The following OTOP3 variants were observed in gnomAD, a reference collection of about 807,000 sequenced individuals.
OTOP3 encodes the protein proton channel OTOP3.
OTOP3 carries 41 observed loss-of-function variants against 50.8 expected under a neutral mutation model. The observed-to-expected ratio is 0.81, with a 90% CI of 0.63 to 1.05. The LOEUF (loss-of-function observed/expected upper bound fraction) is 1.05. Among genes scored for constraint, OTOP3 ranks in the 50% least tolerant of loss-of-function variants. OTOP3 has a pLI of 0.00. For missense variants in OTOP3, 788 were observed against 760.8 expected (o/e 1.04, Z -0.42); for synonymous variants, 320 against 324.4 (o/e 0.99, Z 0.14).
intron 1 of OTOP3, among the ~76,000 whole-genome samples, chr17:74,936,173 G>A (rs557058411): frequency 6.6e-6 from 1 of 152,278 alleles, no homozygotes; most frequent in East Asian, 1.9e-4. Flanking sequence ...GGAGCACAGA[G>A]GGCCTCAGGG....
intron 5 of OTOP3, among the ~76,000 whole-genome samples, chr17:74,946,410 G>A (rs538499081): frequency 1.3e-5 from 2 of 152,368 alleles, no homozygotes; most frequent in African/African-American, 4.8e-5. Flanking sequence ...ACTGCGCCTG[G>A]CTGGCATCAT....
Position 74,941,897 on chromosome 17 carries a change from C to A in OTOP3, c.437-4C>A. ...TGCCAACGCCCGCCCACATGTCCGGCCAGGTTCCCTAGTGCTCTTCGGCAG... is the reference window on the plus strand; with the variant it reads ...TGCCAACGCCCGCCCACATGTCCGGACAGGTTCCCTAGTGCTCTTCGGCAG... On this transcript the variant is annotated splice_region_variant and splice_polypyrimidine_tract_variant and intron_variant, in intron 2 of 6. Coordinates refer to ENST00000328801, the MANE Select transcript of OTOP3 (RefSeq NM_001272005.2). 6.2e-7 allele frequency: 1 copy of A among 1,601,698 alleles called. No individual in the cohort carries two copies. Among genetic ancestry groups the A allele is most frequent in the Admixed American group, 1.7e-5 (1 of 59,452 alleles).
Position 74,942,043 on chromosome 17 carries a change from A to C in OTOP3, c.573+6A>C. On this transcript the variant is annotated splice_donor_region_variant and intron_variant, in intron 3 of 6. Coordinates refer to ENST00000328801, the MANE Select transcript of OTOP3 (RefSeq NM_001272005.2). ...TGGTCTTCATCGGCGTCCAGGTGAC[A>C]GGCTTCTCACGTCCCCACATCACCG... 1 of 1,604,024 alleles carries C rather than the reference A, an allele frequency of 6.2e-7. No homozygotes were observed. Among genetic ancestry groups the C allele is most frequent in the Non-Finnish European group, 8.5e-7 (1 of 1,174,402 alleles).
intron 1 of OTOP3, among the ~76,000 whole-genome samples, chr17:74,940,713 C>T (rs934750881): frequency 4.6e-5 from 7 of 152,174 alleles, no homozygotes; most frequent in African/African-American, 1.2e-4. Flanking sequence ...ATCCCGAAAC[C>T]ATCCCTCCAC....
In OTOP3 at chr17:74,943,295, C is replaced by A. The variant is rs2039194881; in HGVS notation, c.583C>A (p.Leu195Ile). The change falls in exon 4 of 7, where the codon CTC becomes ATC. Residue 195 changes from leucine (L) to isoleucine (I), a missense_variant. By Grantham distance (5) the Leu-to-Ile change is conservative (BLOSUM62 2). Transcript: ENST00000328801. ...MVFIGVQTWV[L>I]WKHCKDCVRV... The stretch of plus-strand genomic sequence containing the variant: ...GCCCTGTCTCTTTCAGACCTGGGTG[C>A]TCTGGAAACACTGCAAAGACTGTGT... 2 of 1,614,110 alleles carry A rather than the reference C, an allele frequency of 1.2e-6. No homozygotes were observed. Among genetic ancestry groups the A allele is most frequent in the African/African-American group, 2.7e-5 (2 of 74,936 alleles).
At chr17:74,941,033 C>T (rs902132915) in intron 1 of OTOP3, among the ~76,000 whole-genome samples, 10 of 152,184 alleles carry the variant, frequency 6.6e-5, no homozygotes, top group Non-Finnish European at 1.5e-4. Flanking sequence ...GACACCGCTG[C>T]CTTTTCATGG....
chr17:74,944,586 G>A (rs189950357), intron 5 of OTOP3, among the ~76,000 whole-genome samples: 11 of 152,226 alleles, frequency 7.2e-5, no homozygotes, highest in African/African-American at 1.7e-4. Context: ...GCGAAACCCC[G>A]TCTCTACTAA....
rs2039265228 is a variant in OTOP3 at position 74,949,702 on chromosome 17, C to G, written c.*286C>G. On this transcript the variant is annotated 3_prime_UTR_variant, in exon 7 of 7. Coordinates refer to ENST00000328801, the MANE Select transcript of OTOP3 (RefSeq NM_001272005.2). ...CCAAGGGTGCACCCCAGGAGGCTGG[C>G]AGGGGCCCCCTCACGGCTACTCTGT... 1 of 393,028 alleles carries G rather than the reference C, an allele frequency of 2.5e-6. No homozygotes were observed. Among genetic ancestry groups the G allele is most frequent in the Admixed American group, 4.3e-5 (1 of 23,304 alleles). The allele number at this position is 393,028 out of a possible 1,614,324, so 24.3% of individuals were successfully genotyped here.
At position 74,943,471 on chromosome 17, in the gene OTOP3, G is replaced by T. The variant is rs375577143; in HGVS notation, c.632+127G>T. 2.6e-4 allele frequency: 350 copies of T among 1,334,292 alleles called. 4 individuals carry two copies. The East Asian group carries it at 3.7e-3, about 14-fold the overall frequency. The allele number at this position is 1,334,292 out of a possible 1,614,324, so 82.7% of individuals were successfully genotyped here. ...CTAGGTGGCCCCAGGGCTGCCTCTT[G>T]TGTCCTAGTGCCAGTGTGACACTAG... is the stretch of plus-strand genomic sequence containing the variant. On this transcript the variant is annotated intron_variant, in intron 4 of 6. Coordinates refer to ENST00000328801, the MANE Select transcript of OTOP3 (RefSeq NM_001272005.2).
chr17:74,936,421 G>T (rs562374892), intron 1 of OTOP3, among the ~76,000 whole-genome samples: 1 of 152,274 alleles, frequency 6.6e-6, no homozygotes, highest in Non-Finnish European at 1.5e-5. Flanking sequence ...GGCTTTCATC[G>T]CCAATCCAGC....
chr17:74,940,692 G>A (rs2039163401), intron 1 of OTOP3, among the ~76,000 whole-genome samples: 1 of 152,146 alleles, frequency 6.6e-6, no homozygotes. Context: ...GATCTGAAGT[G>A]GAACAGTTTC....
At chr17:74,942,418 G>A (rs1320653944) in intron 3 of OTOP3, among the ~76,000 whole-genome samples, 4 of 149,600 alleles carry the variant, frequency 2.7e-5, no homozygotes, top group Admixed American at 1.3e-4. Context: ...ATCACCTGAG[G>A]TCAGGAGTTT....
chr17:74,948,366 A>T (rs1419249017), intron 6 of OTOP3, among the ~76,000 whole-genome samples: 1 of 152,150 alleles, frequency 6.6e-6, no homozygotes, highest in Non-Finnish European at 1.5e-5. Flanking sequence ...TCTACAAAAA[A>T]AATTTTAAAT....
chr17:74,949,165 G>A (rs1168450982), intron 6 of OTOP3, 81 bp from the exon 7 acceptor site: 4 of 1,490,066 alleles, frequency 2.7e-6, no homozygotes, highest in Middle Eastern at 1.8e-4. Context: ...GGGGCTGCAG[G>A]TTTGGGGGCT....
chr17:74,944,235 T>C lies in OTOP3; in HGVS notation c.751+511T>C, dbSNP rs116413084. 9.3e-3 allele frequency among the ~76,000 whole-genome samples: 1,420 copies of C among 152,098 alleles called. 21 individuals are homozygous for C. Among genetic ancestry groups the C allele is most frequent in the African/African-American group, 0.032 (1,319 of 41,502 alleles). On this transcript the variant is annotated intron_variant, in intron 5 of 6. Transcript: ENST00000328801. Reference sequence around the variant, plus strand: ...TACCCTACATGGGAACACTGCTCTGTGGGATTGAGCCACACCTGTATGTAC... The same window carrying C: ...TACCCTACATGGGAACACTGCTCTGCGGGATTGAGCCACACCTGTATGTAC...
In OTOP3 at chr17:74,943,759, AACACACACACAC is replaced by A. The variant is rs35254855; in HGVS notation, c.751+59_751+70del. On this transcript the variant is annotated intron_variant, in intron 5 of 6. Transcript: ENST00000328801. ...GGAGACCAGGTCTTCCTTGCCCTGA[AACACACACACAC>A]ACACACACACACACACACACACATA... The A allele has an allele frequency of 6.3e-5, 62 of 982,634 alleles. 1 individual carries two copies. The highest frequency in any genetic ancestry group is 4.6e-4 in the Middle Eastern group (2 of 4,364). 60.9% of individuals were successfully genotyped at this position (982,634 alleles called of 1,614,324 possible).
chr17:74,938,321 A>G (rs1169314672), intron 1 of OTOP3, among the ~76,000 whole-genome samples: 1 of 151,966 alleles, frequency 6.6e-6, no homozygotes, highest in Non-Finnish European at 1.5e-5. Flanking sequence ...GCACGTCTGA[A>G]GCTCCTGAAG....
chr17:74,936,657 G>A (rs1188452209), intron 1 of OTOP3, among the ~76,000 whole-genome samples: 1 of 152,216 alleles, frequency 6.6e-6, no homozygotes, highest in Non-Finnish European at 1.5e-5. Flanking sequence ...GGACTTCAGG[G>A]TGGGAGACGG....
chr17:74,937,089 A>G (rs573174555), intron 1 of OTOP3, among the ~76,000 whole-genome samples: 2 of 150,000 alleles, frequency 1.3e-5, no homozygotes, highest in African/African-American at 4.9e-5. Context: ...CAGCCTCCCG[A>G]GTAGCTGGGA....
Sources: gnomAD v4.1 joint callset for allele counts (sites outside exome capture counted in the v4.1 genomes callset) on GRCh38, gnomAD v4.1.1 for gene constraint, MANE v1.5 for transcripts, NCBI Gene and HGNC (gene_info 2026-07-23, HGNC 2026-07-21) for gene names.